HAPLN1: variants seen among roughly 807,000 people sequenced by gnomAD.
The protein encoded by HAPLN1 is Cartilage link protein.
A neutral mutation model predicts 36.5 loss-of-function variants in HAPLN1; 13 were observed. The observed-to-expected ratio is 0.36, with a 90% CI of 0.23 to 0.57. The LOEUF (loss-of-function observed/expected upper bound fraction) is 0.57, where lower values mean the gene tolerates loss of function less well. Ranked by LOEUF, HAPLN1 falls within the 20% of genes least tolerant of loss-of-function variation. The pLI is 0.83. For synonymous variants in HAPLN1, 202 were observed against 169.8 expected, an observed-to-expected ratio of 1.19 and a Z score of -1.48; for missense variants, 407 against 439.7, an observed-to-expected ratio of 0.93 and a Z score of 0.66.
chr5:83,695,903 C>G (rs1269184921), intron 1 of HAPLN1, among the ~76,000 whole-genome samples: 1 of 151,688 alleles, frequency 6.6e-6, no homozygotes, highest in African/African-American at 2.4e-5. Flanking sequence ...TTTAAACATC[C>G]TAGTGGAGGT....
At chr5:83,672,848 CTGCATTGTA>C (rs1227063773) in intron 2 of HAPLN1, among the ~76,000 whole-genome samples, 1 of 152,136 alleles carries the variant, frequency 6.6e-6, no homozygotes, top group East Asian at 1.9e-4. Flanking sequence ...GAGGAAATAG[CTGCATTGTA>C]CTGCAGCCTC....
chr5:83,714,828 T>C (rs758939009), intron 1 of HAPLN1, among the ~76,000 whole-genome samples: 3 of 152,324 alleles, frequency 2.0e-5, no homozygotes, highest in South Asian at 2.1e-4. Context: ...GGGGCCACAG[T>C]TGAAGCACTG....
intron 2 of HAPLN1, among the ~76,000 whole-genome samples, chr5:83,665,086 T>A (rs1750515683): frequency 6.6e-6 from 1 of 152,028 alleles, no homozygotes; most frequent in African/African-American, 2.4e-5. Flanking sequence ...CAAGAGAAAG[T>A]AAGAATTGTT....
intron 1 of HAPLN1, among the ~76,000 whole-genome samples, chr5:83,709,163 C>A (rs1299552263): frequency 2.0e-5 from 3 of 152,170 alleles, no homozygotes; most frequent in East Asian, 1.9e-4. Flanking sequence ...CCCAGTTTAT[C>A]TTTCTAGCCA....
At position 83,673,412 on chromosome 5, in the gene HAPLN1, G is replaced by A; in HGVS notation, c.100+12C>T. 4 of 1,538,404 alleles carry A rather than the reference G, an allele frequency of 2.6e-6. No individual in the cohort carries two copies. Among genetic ancestry groups the A allele is most frequent in the Non-Finnish European group, 2.7e-6 (3 of 1,131,778 alleles). On this transcript the variant is annotated intron_variant, in intron 2 of 4. Coordinates refer to ENST00000274341, the MANE Select transcript of HAPLN1 (RefSeq NM_001884.4). The stretch of plus-strand genomic sequence containing the variant: ...TAATTAGGCTTTGATAAGAGAAGCT[G>A]TGTTTCCTTACCTTGGATGTGAATA...
chr5:83,645,669 C>A lies in HAPLN1; in HGVS notation c.473-1004G>T, dbSNP rs1164450971. On this transcript the variant is annotated intron_variant, in intron 3 of 4. Coordinates refer to ENST00000274341, the MANE Select transcript of HAPLN1 (RefSeq NM_001884.4). The stretch of plus-strand genomic sequence containing the variant: ...TTCAGATTAATAAGACAGATCTGTA[C>A]AGTGAGGCACGCCTCCATAGAAAGC... 3.9e-5 allele frequency among the ~76,000 whole-genome samples: 6 copies of A among 152,060 alleles called. No individual in the cohort carries two copies. In the East Asian group the frequency reaches 1.2e-3, roughly 29 times the overall value.
intron 3 of HAPLN1, among the ~76,000 whole-genome samples, chr5:83,647,779 G>C (rs1749915781): frequency 1.3e-5 from 2 of 152,078 alleles, no homozygotes; most frequent in South Asian, 4.2e-4. Flanking sequence ...ACACATAAAA[G>C]TTAAAGTAAG....
chr5:83,676,483 G>A (rs1750863922), intron 1 of HAPLN1, among the ~76,000 whole-genome samples: 1 of 152,140 alleles, frequency 6.6e-6, no homozygotes, highest in Non-Finnish European at 1.5e-5. Context: ...CAGTCTTCAG[G>A]TGTCTGAGCA....
At chr5:83,687,781 T>C (rs1475226236) in intron 1 of HAPLN1, among the ~76,000 whole-genome samples, 1 of 152,132 alleles carries the variant, frequency 6.6e-6, no homozygotes, top group African/African-American at 2.4e-5. Context: ...AAAATGAGAG[T>C]ATCAGAAGGA....
At position 83,639,728 on chromosome 5, in the gene HAPLN1, T is replaced by G. The variant is rs1255133441; in HGVS notation, c.*1768A>C. ...TACAAACTCTTTGGATTTATAGTTT[T>G]GTACAGTTTGCATATCCAACCTAAC... On this transcript the variant is annotated 3_prime_UTR_variant, in exon 5 of 5. Coordinates refer to ENST00000274341, the MANE Select transcript of HAPLN1 (RefSeq NM_001884.4). The G allele has an allele frequency of 6.6e-6, 1 of 152,144 alleles. No homozygotes were observed. Among genetic ancestry groups the G allele is most frequent in the Non-Finnish European group, 1.5e-5 (1 of 67,962 alleles). 9.4% of individuals were successfully genotyped at this position (152,144 alleles called of 1,614,324 possible).
chr5:83,688,969 A>G (rs1188363749), intron 1 of HAPLN1, among the ~76,000 whole-genome samples: 2 of 152,118 alleles, frequency 1.3e-5, no homozygotes, highest in Non-Finnish European at 2.9e-5. Flanking sequence ...CTTAAATTCA[A>G]TGCTCCGTAT....
intron 2 of HAPLN1, among the ~76,000 whole-genome samples, chr5:83,662,142 A>G (rs1335382293): frequency 6.6e-6 from 1 of 152,068 alleles, no homozygotes; most frequent in Non-Finnish European, 1.5e-5. Flanking sequence ...GCCTCAGGTG[A>G]TCTGCCCCCC....
intron 1 of HAPLN1, among the ~76,000 whole-genome samples, chr5:83,678,220 G>GTGTGTGTGTGTGTGTGTGT (rs1554049527): frequency 1.1e-4 from 15 of 142,536 alleles, no homozygotes; most frequent in Non-Finnish European, 1.7e-4. Flanking sequence ...CTATAGTTTG[G>GTGTGTGTGTGTGTGTGTGT]GTGTGTGTGT....
intron 1 of HAPLN1, among the ~76,000 whole-genome samples, chr5:83,713,453 A>G (rs1373767621): frequency 6.6e-6 from 1 of 152,130 alleles, no homozygotes; most frequent in Non-Finnish European, 1.5e-5. Context: ...ATTCTTACTA[A>G]TTCTTCCCTG....
chr5:83,687,152 G>T (rs969441697), intron 1 of HAPLN1, among the ~76,000 whole-genome samples: 1 of 152,130 alleles, frequency 6.6e-6, no homozygotes, highest in African/African-American at 2.4e-5. Context: ...ATCAGGAAAA[G>T]AAAATGATTC....
intron 1 of HAPLN1, among the ~76,000 whole-genome samples, chr5:83,680,796 C>T (rs1206284757): frequency 6.6e-6 from 1 of 152,036 alleles, no homozygotes; most frequent in African/African-American, 2.4e-5. Flanking sequence ...CCTTCATAGG[C>T]TGAAGAAGAA....
chr5:83,711,812 G>A (rs1751790854), intron 1 of HAPLN1, among the ~76,000 whole-genome samples: 1 of 152,032 alleles, frequency 6.6e-6, no homozygotes, highest in Admixed American at 6.5e-5. Flanking sequence ...GAGATGACAC[G>A]AACTAGGCTT....
At position 83,694,554 on chromosome 5, in the gene HAPLN1, TGAA is replaced by T. The variant is rs1465760463; in HGVS notation, c.-26-21008_-26-21006del. 5.3e-5 allele frequency among the ~76,000 whole-genome samples: 8 copies of T among 152,094 alleles called. No individual in the cohort carries two copies. The East Asian group carries it at 1.2e-3, about 22-fold the overall frequency. On this transcript the variant is annotated intron_variant, in intron 1 of 4. Transcript: ENST00000274341. ...AGATATGAATTATCAATATAATGAA[TGAA>T]GTAGATAATATCTATCAATTCTATA...
intron 2 of HAPLN1, among the ~76,000 whole-genome samples, chr5:83,663,460 T>C (rs1289574334): frequency 1.3e-5 from 2 of 152,202 alleles, no homozygotes; most frequent in Non-Finnish European, 2.9e-5. Context: ...TCCTTCCCTT[T>C]ATCTGCATAT....
Sources: allele counts gnomAD v4.1 joint callset (sites outside exome capture counted in the v4.1 genomes callset), GRCh38; gene constraint gnomAD v4.1.1; transcripts MANE v1.5; gene names NCBI Gene and HGNC (gene_info 2026-07-23, HGNC 2026-07-21).